Variants in TANC2 observed in about 807,000 individuals in gnomAD.
TANC2 encodes protein TANC2.
Under a neutral mutation model 210.5 loss-of-function variants are expected in TANC2, and 26 were observed. The observed-to-expected ratio is 0.12, with a 90% CI of 0.09 to 0.17. The LOEUF (loss-of-function observed/expected upper bound fraction) is 0.17. TANC2 is among the 10% of genes least tolerant of loss of function. TANC2 has a pLI of 1.00. For missense variants in TANC2, 2,129 were observed against 2,608.9 expected (o/e 0.82, Z 4.01); for synonymous variants, 931 against 967.1 (o/e 0.96, Z 0.69).
chr17:62,969,730 T>TAC (rs373080851), intron 1 of TANC2, among the ~76,000 whole-genome samples: 20 of 151,800 alleles, frequency 1.3e-4, no homozygotes, highest in African/African-American at 2.7e-4. Flanking sequence ...TACACATTCA[T>TAC]ACACACACAC....
chr17:63,054,147 C>T (rs1397294516), intron 2 of TANC2, among the ~76,000 whole-genome samples: 2 of 152,150 alleles, frequency 1.3e-5, no homozygotes, highest in African/African-American at 4.8e-5. Flanking sequence ...GGTAGTACTA[C>T]TTGTTTCATT....
At chr17:63,298,565 T>G (rs1205200478) in intron 9 of TANC2, among the ~76,000 whole-genome samples, 3 of 152,136 alleles carry the variant, frequency 2.0e-5, no homozygotes, top group Non-Finnish European at 2.9e-5. Context: ...ATATAGGGTT[T>G]TATTTTGGAG....
intron 5 of TANC2, among the ~76,000 whole-genome samples, chr17:63,162,141 CAAAATA>C (rs2145489543): frequency 6.6e-6 from 1 of 151,904 alleles, no homozygotes; most frequent in Non-Finnish European, 1.5e-5. Flanking sequence ...CTCAACTCTA[CAAAATA>C]AAAATAAAAA....
rs547849571 is a variant in TANC2, at chr17:63,331,820, T to G, written c.1576-8281T>G. Among the ~76,000 whole-genome samples the G allele has an allele frequency of 4.3e-3, 646 of 151,716 alleles. 6 individuals are homozygous for G. Among genetic ancestry groups the G allele is most frequent in the African/African-American group, 0.015 (602 of 41,268 alleles). ...AACGCCAAGAATGAAGCCTACAGTTTTACTGTAAGATAAGAGTGTGTGTGT... is the reference window on the plus strand; with the variant it reads ...AACGCCAAGAATGAAGCCTACAGTTGTACTGTAAGATAAGAGTGTGTGTGT... On this transcript the variant is annotated intron_variant, in intron 11 of 27. Coordinates refer to ENST00000689528, the Ensembl canonical transcript of TANC2.
intron 2 of TANC2, among the ~76,000 whole-genome samples, chr17:63,047,928 G>T (rs922568131): frequency 6.6e-6 from 1 of 152,190 alleles, no homozygotes; most frequent in Non-Finnish European, 1.5e-5. Context: ...GTGGATAGCT[G>T]TGAAGAAGTG....
chr17:63,017,643 A>C (rs1354497196), intron 2 of TANC2, among the ~76,000 whole-genome samples: 1 of 152,172 alleles, frequency 6.6e-6, no homozygotes, highest in African/African-American at 2.4e-5. Context: ...TATACTCTCC[A>C]GTCACTCCTC....
rs368285253 is a variant in TANC2 at position 63,418,264 on chromosome 17, A to G, written c.4168-43A>G. 1.5e-4 allele frequency: 232 copies of G among 1,548,686 alleles called. No individual in the cohort carries two copies. Among genetic ancestry groups the G allele is most frequent in the East Asian group, 7.3e-4 (32 of 44,038 alleles). ...TTTATTCCCAAGTTGTCTATTTTTT[A>G]TATCTCATCAATGACTCATTTGCAC... On this transcript the variant is annotated intron_variant, in intron 26 of 27. Coordinates refer to ENST00000689528, the Ensembl canonical transcript of TANC2. This position sits in a 1 kb window ranked among gnomAD's most constrained non-coding sequence, Gnocchi z 4.6.
chr17:63,117,461 A>G (rs2145095148), intron 4 of TANC2, among the ~76,000 whole-genome samples: 1 of 152,362 alleles, frequency 6.6e-6, no homozygotes, highest in African/African-American at 2.4e-5. Flanking sequence ...TTAGTTGTTC[A>G]AAACAGAATA....
At chr17:63,327,969 C>T (rs375811423) in intron 11 of TANC2, among the ~76,000 whole-genome samples, 13 of 152,216 alleles carry the variant, frequency 8.5e-5, no homozygotes, top group African/African-American at 3.1e-4. Flanking sequence ...GTTCCCCTTC[C>T]TGTGTCCATG....
chr17:63,048,382 T>C (rs558202346), intron 2 of TANC2, among the ~76,000 whole-genome samples: 1 of 152,340 alleles, frequency 6.6e-6, no homozygotes, highest in Non-Finnish European at 1.5e-5. Flanking sequence ...TGACTGTTCA[T>C]GTTTCCCTCC....
chr17:63,243,182 A>C (rs906164748), intron 8 of TANC2, among the ~76,000 whole-genome samples: 3 of 152,224 alleles, frequency 2.0e-5, no homozygotes, highest in African/African-American at 7.2e-5. Flanking sequence ...CCACAAAATT[A>C]AAAGAAATGG....
intron 7 of TANC2, among the ~76,000 whole-genome samples, chr17:63,227,216 C>A (rs1235476788): frequency 1.3e-5 from 2 of 152,174 alleles, no homozygotes; most frequent in African/African-American, 4.8e-5. Flanking sequence ...TACATTCCCA[C>A]CAATAGTGTA....
At position 63,073,918 on chromosome 17, in the gene TANC2, T is replaced by C. The variant is rs1172207657; in HGVS notation, c.68-25T>C. ...TATGTCAATCTCATTATCTATTTGC[T>C]TATGCTCCTTTTAATTTTATGCAGA... On this transcript the variant is annotated intron_variant, in intron 2 of 27. Coordinates refer to ENST00000689528, the Ensembl canonical transcript of TANC2. 1.9e-6 allele frequency: 3 copies of C among 1,557,244 alleles called. No homozygotes were observed. In the Admixed American group the frequency reaches 5.7e-5, roughly 30 times the overall value.
chr17:63,007,841 C>G (rs1199658132), intron 1 of TANC2, among the ~76,000 whole-genome samples: 2 of 151,988 alleles, frequency 1.3e-5, no homozygotes, highest in African/African-American at 4.8e-5. Context: ...TATGGCTCTT[C>G]CTTTTTGCAT....
rs567801342 is a variant in TANC2, at chr17:63,297,003, A to G, written c.1160-17385A>G. Among the ~76,000 whole-genome samples the G allele has an allele frequency of 2.6e-5, 4 of 152,326 alleles. No homozygotes were observed. The South Asian group carries it at 8.3e-4, about 32-fold the overall frequency. On this transcript the variant is annotated intron_variant, in intron 9 of 27. Coordinates refer to ENST00000689528, the Ensembl canonical transcript of TANC2. ...GTGAAAGGGTCAGAAAAAAAAATCT[A>G]CAAAAAGCAAACAAACAAACTTGAG...
intron 7 of TANC2, among the ~76,000 whole-genome samples, chr17:63,218,580 TC>T (rs1235844637): frequency 6.6e-6 from 1 of 151,966 alleles, no homozygotes; most frequent in Non-Finnish European, 1.5e-5. Context: ...GTTTAAGAAA[TC>T]TACCAAAAAT....
intron 2 of TANC2, among the ~76,000 whole-genome samples, chr17:63,047,352 T>C (rs2035423201): frequency 6.6e-6 from 1 of 152,182 alleles, no homozygotes; most frequent in Non-Finnish European, 1.5e-5. Flanking sequence ...AACTGTTAGA[T>C]TTGCATTTCT....
rs902195094 is a variant in TANC2 at position 62,984,887 on chromosome 17, A to G, written c.-24+18138A>G. Among the ~76,000 whole-genome samples, 14 of 152,194 alleles carry G rather than the reference A, an allele frequency of 9.2e-5. 1 individual carries two copies. Among genetic ancestry groups the G allele is most frequent in the African/African-American group, 2.9e-4 (12 of 41,456 alleles). On this transcript the variant is annotated intron_variant, in intron 1 of 27. Transcript: ENST00000689528. ...TGTGTCCTAATTTGGTCAGTCCTGG[A>G]GAATGTTCCATGTGCTGTTGAAAAG...
At chr17:63,342,329 G>C (rs2046257806) in intron 12 of TANC2, among the ~76,000 whole-genome samples, 2 of 152,164 alleles carry the variant, frequency 1.3e-5, no homozygotes, top group South Asian at 4.2e-4. Flanking sequence ...GTATGTTATT[G>C]AAATTAGGAA....
Sources: allele counts gnomAD v4.1 joint callset (sites outside exome capture counted in the v4.1 genomes callset), GRCh38; gene constraint gnomAD v4.1.1; non-coding constraint Gnocchi (gnomAD v3.1); transcripts MANE v1.5; gene names NCBI Gene and HGNC (gene_info 2026-07-23, HGNC 2026-07-21).